The following GIMAP8 variants were observed in gnomAD, a reference collection of about 807,000 sequenced individuals.
The protein encoded by GIMAP8 is GTPase IMAP family member 8.
GIMAP8 carries 29 observed loss-of-function variants against 35.6 expected under a neutral mutation model. That is an observed-to-expected ratio of 0.81 (90% confidence interval 0.61 to 1.11). The LOEUF (loss-of-function observed/expected upper bound fraction) is 1.11. Among genes scored for constraint, GIMAP8 ranks in the 50% most tolerant of loss-of-function variants. The pLI is 0.00. For synonymous variants in GIMAP8, 335 were observed against 308.7 expected (o/e 1.09, Z -0.89); for missense variants, 811 against 805.0 (o/e 1.01, Z -0.09).
rs1255731359 is a variant in GIMAP8 at position 150,451,532 on chromosome 7, T to C, written c.-29+357T>C. Among the ~76,000 whole-genome samples, 1 of 152,056 alleles carries C rather than the reference T, an allele frequency of 6.6e-6. No homozygotes were observed. The highest frequency in any genetic ancestry group is 2.4e-5 in the African/African-American group (1 of 41,396). On this transcript the variant is annotated intron_variant, in intron 1 of 4. Transcript: ENST00000307271. This position sits in a 1 kb window ranked among gnomAD's most constrained non-coding sequence, Gnocchi z 4.1. The stretch of plus-strand genomic sequence containing the variant: ...CAGACATCTATGAGAGTGGCTGTCC[T>C]AAAAGAAGGCGTGTCGGGGAGTGGG...
At chr7:150,474,814 G>A (rs940978486) in intron 4 of GIMAP8, among the ~76,000 whole-genome samples, 176 bp downstream of exon 4, 4 of 151,198 alleles carry the variant, frequency 2.6e-5, no homozygotes, top group South Asian at 2.1e-4. Context: ...ATGCTGGTGC[G>A]CTGCACCCAC....
In GIMAP8 at chr7:150,479,255, C is replaced by G. The variant is rs1489063170; in HGVS notation, c.*1475C>G. On this transcript the variant is annotated 3_prime_UTR_variant, in exon 5 of 5. Coordinates refer to ENST00000307271, the MANE Select transcript of GIMAP8 (RefSeq NM_175571.4). ...GTGACAAAATTACCTGTACACCACACCCCTGTGACACACAACTTACTCATG... is the reference window on the plus strand; with the variant it reads ...GTGACAAAATTACCTGTACACCACAGCCCTGTGACACACAACTTACTCATG... The G allele has an allele frequency of 6.6e-6, 1 of 152,122 alleles. No individual in the cohort carries two copies. Among genetic ancestry groups the G allele is most frequent in the Admixed American group, 6.5e-5 (1 of 15,282 alleles). The allele number at this position is 152,122 out of a possible 1,614,324, so 9.4% of individuals were successfully genotyped here. A position where few individuals can be genotyped will look rare whatever the true frequency, so the allele number is the denominator to read the frequency against.
intron 3 of GIMAP8, 113 bp from the exon 4 acceptor site, chr7:150,473,899 C>T: frequency 9.2e-7 from 1 of 1,087,554 alleles, no homozygotes; most frequent in Non-Finnish European, 1.3e-6. Context: ...TACTGGTTTA[C>T]CGTGTTGTTG....
intron 2 of GIMAP8, among the ~76,000 whole-genome samples, chr7:150,469,902 T>C (rs1294877874): frequency 6.6e-6 from 1 of 152,236 alleles, no homozygotes; most frequent in Non-Finnish European, 1.5e-5. Flanking sequence ...TATTGACTTC[T>C]ACAGATGTAC....
rs1802122140 is a variant in GIMAP8, at chr7:150,472,833, G to A, written c.683-1179G>A. Among the ~76,000 whole-genome samples the A allele has an allele frequency of 6.6e-6, 1 of 152,074 alleles. No homozygotes were observed. Among genetic ancestry groups the A allele is most frequent in the Non-Finnish European group, 1.5e-5 (1 of 67,998 alleles). On this transcript the variant is annotated intron_variant, in intron 3 of 4. Coordinates refer to ENST00000307271, the MANE Select transcript of GIMAP8 (RefSeq NM_175571.4). The surrounding 1 kb of genome is among the most constrained non-coding windows in gnomAD (Gnocchi z 4.1). ...CATATGGGCAAAAGTCCTGAAGTCT[G>A]TAAAGGAGAGTAGGGGGGAGTGTGA...
chr7:150,452,027 A>G (rs1318693570), intron 1 of GIMAP8, among the ~76,000 whole-genome samples: 2 of 152,188 alleles, frequency 1.3e-5, no homozygotes, highest in Non-Finnish European at 2.9e-5. Flanking sequence ...TGCTGTGCTC[A>G]GATGCCTGAG....
Position 150,467,085 on chromosome 7 carries a change from C to T in GIMAP8, c.387C>T (p.Ile129=). The change falls in exon 2 of 5, where the codon ATC becomes ATT. Residue 129 remains isoleucine (I), a synonymous_variant. Transcript: ENST00000307271. The stretch of plus-strand genomic sequence containing the variant: ...TTGGAGCTGAAGCCAGGAGGCACAT[C>T]ATTATTGTCTTCACTCGGAAGGATG... ...QVFGAEARRH[I]IIVFTRKDDL... The T allele has an allele frequency of 6.2e-7, 1 of 1,614,172 alleles. No homozygotes were observed. The highest frequency in any genetic ancestry group is 8.5e-7 in the Non-Finnish European group (1 of 1,180,030).
rs1428799729 is a variant in GIMAP8 at position 150,467,098 on chromosome 7, A to T, written c.400A>T (p.Thr134Ser). 6.2e-7 allele frequency: 1 copy of T among 1,614,168 alleles called. No individual in the cohort carries two copies. Among genetic ancestry groups the T allele is most frequent in the East Asian group, 2.2e-5 (1 of 44,886 alleles). The change falls in exon 2 of 5, where the codon ACT (threonine) becomes TCT (serine). Residue 134 changes from threonine to serine, a missense_variant. Thr to Ser is a moderately conservative substitution (Grantham distance 58). Coordinates refer to ENST00000307271, the MANE Select transcript of GIMAP8 (RefSeq NM_175571.4). ...EARRHIIIVF[T>S]RKDDLGDDLL... ...CAGGAGGCACATCATTATTGTCTTC[A>T]CTCGGAAGGATGATTTGGGGGATGA...
Position 150,451,895 on chromosome 7 carries a change from G to A in GIMAP8, c.-29+720G>A. 6.6e-6 allele frequency among the ~76,000 whole-genome samples: 1 copy of A among 152,222 alleles called. No individual in the cohort carries two copies. The highest frequency in any genetic ancestry group is 1.5e-5 in the Non-Finnish European group (1 of 68,044). On this transcript the variant is annotated intron_variant, in intron 1 of 4. Coordinates refer to ENST00000307271, the MANE Select transcript of GIMAP8 (RefSeq NM_175571.4). The surrounding 1 kb of genome is among the most constrained non-coding windows in gnomAD (Gnocchi z 4.1). Reference sequence around the variant, plus strand: ...GTTAACCTCTTCCCTTCCTCTTGATGGTTGCCCTGCTGGGCTGGGTCTAAG... The same window carrying A: ...GTTAACCTCTTCCCTTCCTCTTGATAGTTGCCCTGCTGGGCTGGGTCTAAG...
intron 1 of GIMAP8, among the ~76,000 whole-genome samples, chr7:150,458,602 A>T (rs1801778937): frequency 6.6e-6 from 1 of 152,206 alleles, no homozygotes; most frequent in Admixed American, 6.5e-5. Flanking sequence ...TCTGGAATCC[A>T]TACACTTCTC....
At position 150,479,242 on chromosome 7, in the gene GIMAP8, C is replaced by T. The variant is rs769834930; in HGVS notation, c.*1462C>T. On this transcript the variant is annotated 3_prime_UTR_variant, in exon 5 of 5. Transcript: ENST00000307271. Reference sequence around the variant, plus strand: ...GCTGGTTTCCTGGGTGACAAAATTACCTGTACACCACACCCCTGTGACACA... The same window carrying T: ...GCTGGTTTCCTGGGTGACAAAATTATCTGTACACCACACCCCTGTGACACA... 6.6e-6 allele frequency: 1 copy of T among 152,124 alleles called. No individual in the cohort carries two copies. The highest frequency in any genetic ancestry group is 1.9e-4 in the East Asian group (1 of 5,200). 9.4% of individuals were successfully genotyped at this position (152,124 alleles called of 1,614,324 possible).
At chr7:150,470,761 TTTTTTTTCAG>T in intron 2 of GIMAP8, 58 bp from the exon 3 acceptor site, 1 of 711,298 alleles carries the variant, frequency 1.4e-6, no homozygotes, top group East Asian at 3.0e-5. Flanking sequence ...TTTTTTTTTT[TTTTTTTTCAG>T]TTTGTGGAAG....
At chr7:150,456,138 G>C (rs981154527) in intron 1 of GIMAP8, among the ~76,000 whole-genome samples, 8 of 152,286 alleles carry the variant, frequency 5.3e-5, no homozygotes, top group African/African-American at 1.9e-4. Flanking sequence ...TCATCTGGTA[G>C]AGCTGGGTCA....
At chr7:150,463,136 A>T (rs927204355) in intron 1 of GIMAP8, among the ~76,000 whole-genome samples, 4 of 151,556 alleles carry the variant, frequency 2.6e-5, no homozygotes, top group African/African-American at 9.7e-5. Flanking sequence ...TCTTGGTTAT[A>T]TTTTTTTATT....
intron 1 of GIMAP8, 31 bp from the exon 2 acceptor site, chr7:150,466,640 A>G (rs768954714): frequency 7.0e-6 from 11 of 1,562,624 alleles, no homozygotes; most frequent in Non-Finnish European, 9.6e-6. Context: ...GTGGGAGTTG[A>G]ACATTAATGT....
At chr7:150,456,304 C>A (rs1349460372) in intron 1 of GIMAP8, among the ~76,000 whole-genome samples, 1 of 152,184 alleles carries the variant, frequency 6.6e-6, no homozygotes, top group Non-Finnish European at 1.5e-5. Context: ...GTTTTCTGGG[C>A]AGCAATATGG....
rs1389280703 is a variant in GIMAP8 at position 150,474,199 on chromosome 7, CAGA to C, written c.873_875del (p.Arg291del). 3 of 1,613,880 alleles carry C rather than the reference CAGA, an allele frequency of 1.9e-6. No individual in the cohort carries two copies. Among genetic ancestry groups the C allele is most frequent in the African/African-American group, 1.3e-5 (1 of 74,910 alleles). On this transcript the variant is annotated inframe_deletion, in exon 4 of 5. Transcript: ENST00000307271. ...TAACCCAGAGCTTCTTGTCTGAGAG[CAGA>C]AGCTGGAGAAAAAAGAAAGTTTCGA...
At chr7:150,470,773 T>TTTTTTGGAAAA in intron 2 of GIMAP8, 56 bp from the exon 3 acceptor site, 1 of 814,684 alleles carries the variant, frequency 1.2e-6, no homozygotes, top group Non-Finnish European at 2.0e-6. Context: ...TTTTTTCAGT[T>TTTTTTGGAAAA]TGTGGAAGAT....
rs755148654 is a variant in GIMAP8 at position 150,477,795 on chromosome 7, TG to T, written c.*19del. 4 of 1,596,488 alleles carry T rather than the reference TG, an allele frequency of 2.5e-6. No individual in the cohort carries two copies. Among genetic ancestry groups the T allele is most frequent in the Non-Finnish European group, 2.6e-6 (3 of 1,169,202 alleles). On this transcript the variant is annotated 3_prime_UTR_variant, in exon 5 of 5. Coordinates refer to ENST00000307271, the MANE Select transcript of GIMAP8 (RefSeq NM_175571.4). ...TTTTACAATAGGTAGCCGAAGTGCC[TG>T]GGGTCTCTTCAATTAGAGACACCCT...
Sources: allele counts gnomAD v4.1 joint callset (sites outside exome capture counted in the v4.1 genomes callset), GRCh38; gene constraint gnomAD v4.1.1; non-coding constraint Gnocchi (gnomAD v3.1); transcripts MANE v1.5; gene names NCBI Gene and HGNC (gene_info 2026-07-23, HGNC 2026-07-21).